KLHL29: variants seen among roughly 807,000 people sequenced by gnomAD.
KLHL29 encodes kelch like family member 29, also known as kelch-like protein 29.
In KLHL29, 21 loss-of-function variants were observed where a neutral mutation model predicts 80.4. The observed-to-expected ratio is 0.26, with a 90% CI of 0.19 to 0.38. The LOEUF (loss-of-function observed/expected upper bound fraction) is 0.38, where lower values mean the gene tolerates loss of function less well. Among genes scored for constraint, KLHL29 ranks in the 10% least tolerant of loss-of-function variants. The probability of loss-of-function intolerance (pLI) is 1.00; values close to 1 mark genes in which losing one functional copy is unlikely to be tolerated. For missense variants in KLHL29, 867 were observed against 1,223.9 expected (o/e 0.71, Z 4.35); for synonymous variants, 511 against 526.8 (o/e 0.97, Z 0.41).
chr2:23,469,010 G>T (rs1664425597), intron 1 of KLHL29, among the ~76,000 whole-genome samples: 1 of 152,242 alleles, frequency 6.6e-6, no homozygotes, highest in Non-Finnish European at 1.5e-5. Context: ...AAGTTGTCTG[G>T]CTGTGTGTTG....
intron 1 of KLHL29, among the ~76,000 whole-genome samples, chr2:23,392,919 A>T (rs1445231896): frequency 6.6e-6 from 1 of 152,236 alleles, no homozygotes; most frequent in African/African-American, 2.4e-5. Flanking sequence ...TCTGACCAAC[A>T]TGCATGATAC....
chr2:23,426,888 T>C (rs549957212), intron 1 of KLHL29, among the ~76,000 whole-genome samples: 1 of 152,348 alleles, frequency 6.6e-6, no homozygotes, highest in African/African-American at 2.4e-5. Flanking sequence ...TGACGCACCC[T>C]GAAATCTAAC....
At chr2:23,483,588 C>G (rs1216947211) in intron 2 of KLHL29, among the ~76,000 whole-genome samples, 1 of 152,214 alleles carries the variant, frequency 6.6e-6, no homozygotes, top group Non-Finnish European at 1.5e-5. Flanking sequence ...GTTGGAACCT[C>G]TAAGGCTAAA....
At chr2:23,496,730 T>A (rs1461739735) in intron 2 of KLHL29, among the ~76,000 whole-genome samples, 1 of 152,248 alleles carries the variant, frequency 6.6e-6, no homozygotes, top group Non-Finnish European at 1.5e-5. Flanking sequence ...GCATGCTTCC[T>A]CTTCCCCTGA....
intron 2 of KLHL29, among the ~76,000 whole-genome samples, chr2:23,481,841 C>T (rs1294364752): frequency 2.0e-5 from 3 of 151,896 alleles, no homozygotes; most frequent in South Asian, 4.2e-4. Flanking sequence ...TGCTTGAACC[C>T]GGGAGGCAGA....
intron 2 of KLHL29, among the ~76,000 whole-genome samples, chr2:23,548,998 G>A (rs1667055433): frequency 6.6e-6 from 1 of 152,196 alleles, no homozygotes; most frequent in Non-Finnish European, 1.5e-5. Flanking sequence ...GCCTCCCCAA[G>A]CTGCTGGGAG....
At position 23,627,866 on chromosome 2, in the gene KLHL29, C is replaced by A. The variant is rs115989175; in HGVS notation, c.286-11273C>A. ...TCTTTGTTTGCAATTTTAAAAAAAA[C>A]CAGGAATGCTCTGCCCCTGACTAGA... On this transcript the variant is annotated intron_variant, in intron 3 of 13. Coordinates refer to ENST00000486442, the MANE Select transcript of KLHL29 (RefSeq NM_052920.2). 7.9e-3 allele frequency among the ~76,000 whole-genome samples: 1,194 copies of A among 150,684 alleles called. 11 individuals are homozygous for A. Among genetic ancestry groups the A allele is most frequent in the African/African-American group, 0.017 (705 of 40,980 alleles).
intron 1 of KLHL29, among the ~76,000 whole-genome samples, chr2:23,390,139 CTG>C (rs1666281767): frequency 6.6e-6 from 1 of 152,188 alleles, no homozygotes; most frequent in Admixed American, 6.5e-5. Context: ...AACAGGAAAA[CTG>C]AAACTGCCAA....
intron 3 of KLHL29, among the ~76,000 whole-genome samples, chr2:23,638,085 T>A (rs1375491041): frequency 6.3e-4 from 70 of 111,562 alleles, no homozygotes; most frequent in Middle Eastern, 5.2e-3. Context: ...ATGGCCATAG[T>A]AAAAAAAAAA....
intron 3 of KLHL29, among the ~76,000 whole-genome samples, chr2:23,579,500 G>A (rs1461822015): frequency 6.6e-6 from 1 of 152,102 alleles, no homozygotes; most frequent in African/African-American, 2.4e-5. Flanking sequence ...GCAGCCACAT[G>A]ACTCTTCCCT....
At chr2:23,539,580 T>C (rs1442742674) in intron 2 of KLHL29, among the ~76,000 whole-genome samples, 1 of 151,850 alleles carries the variant, frequency 6.6e-6, no homozygotes, top group Non-Finnish European at 1.5e-5. Flanking sequence ...TTGCTGGGAC[T>C]ACAGGTGCGC....
chr2:23,583,727 T>C (rs1029201746), intron 3 of KLHL29, among the ~76,000 whole-genome samples: 4 of 152,180 alleles, frequency 2.6e-5, no homozygotes, highest in African/African-American at 4.8e-5. Context: ...CTGTACTGGT[T>C]ATAACCCTCA....
chr2:23,437,124 G>A (rs1446184374), intron 1 of KLHL29, among the ~76,000 whole-genome samples: 3 of 152,152 alleles, frequency 2.0e-5, no homozygotes, highest in African/African-American at 7.2e-5. Context: ...CGGAATGTGT[G>A]GGCAAAGTGT....
intron 2 of KLHL29, among the ~76,000 whole-genome samples, chr2:23,531,029 T>C (rs1666474214): frequency 1.3e-5 from 2 of 152,194 alleles, no homozygotes; most frequent in Admixed American, 1.3e-4. Context: ...TCGTTTTCTA[T>C]CTGTAGGATG....
At chr2:23,703,440 T>G in intron 12 of KLHL29, 61 bp downstream of exon 12, 1 of 1,353,548 alleles carries the variant, frequency 7.4e-7, no homozygotes, top group Non-Finnish European at 9.8e-7. Flanking sequence ...TGCTGATTTG[T>G]TCAGTATCCC....
At chr2:23,413,740 T>G (rs1666920517) in intron 1 of KLHL29, among the ~76,000 whole-genome samples, 1 of 152,218 alleles carries the variant, frequency 6.6e-6, no homozygotes, top group Admixed American at 6.5e-5. Context: ...TTGTAAGCTG[T>G]GCATCTGTCC....
At position 23,603,521 on chromosome 2, in the gene KLHL29, A is replaced by T. The variant is rs1228727796; in HGVS notation, c.286-35618A>T. Among the ~76,000 whole-genome samples the T allele has an allele frequency of 2.0e-5, 3 of 152,174 alleles. No individual in the cohort carries two copies. The East Asian group carries it at 5.8e-4, about 29-fold the overall frequency. On this transcript the variant is annotated intron_variant, in intron 3 of 13. Transcript: ENST00000486442. ...TTTCCTACCCAGCCAGTTGCTTTCCAGGTGGGGTCTGAGGCCCAGGCCTTT... is the reference window on the plus strand; with the variant it reads ...TTTCCTACCCAGCCAGTTGCTTTCCTGGTGGGGTCTGAGGCCCAGGCCTTT...
At chr2:23,403,818 C>G (rs996615736) in intron 1 of KLHL29, among the ~76,000 whole-genome samples, 2 of 151,512 alleles carry the variant, frequency 1.3e-5, no homozygotes, top group Non-Finnish European at 2.9e-5. Flanking sequence ...TGCCATGCCT[C>G]TCCCAGAAAA....
chr2:23,538,349 A>G (rs1397690963), intron 2 of KLHL29, among the ~76,000 whole-genome samples: 1 of 152,234 alleles, frequency 6.6e-6, no homozygotes, highest in Non-Finnish European at 1.5e-5. Context: ...GCCAGATGGC[A>G]TGGGTGCAAA....
Sources: gnomAD v4.1 joint callset for allele counts (sites outside exome capture counted in the v4.1 genomes callset) on GRCh38, gnomAD v4.1.1 for gene constraint, MANE v1.5 for transcripts, NCBI Gene and HGNC (gene_info 2026-07-23, HGNC 2026-07-21) for gene names.